JAK1: variants seen among roughly 807,000 people sequenced by gnomAD.
JAK1 encodes the protein Janus kinase 1.
A neutral mutation model predicts 136.6 loss-of-function variants in JAK1; 16 were observed. That is an observed-to-expected ratio of 0.12 (90% CI 0.08 to 0.18). The LOEUF is 0.18. Ranked by LOEUF, JAK1 falls within the 10% of genes least tolerant of loss-of-function variation. The pLI, the probability that JAK1 is intolerant of heterozygous loss-of-function variation, is 1.00. For synonymous variants in JAK1, 492 were observed against 519.5 expected (o/e 0.95, Z 0.72); for missense variants, 859 against 1,450.1 (o/e 0.59, Z 6.62).
At chr1:64,919,806 T>C (rs1348870872) in intron 1 of JAK1, among the ~76,000 whole-genome samples, 3 of 152,092 alleles carry the variant, frequency 2.0e-5, no homozygotes, top group Non-Finnish European at 4.4e-5. Flanking sequence ...TAATGAGTCT[T>C]TCAAGTAGCT....
At chr1:64,928,784 A>AG (rs1387438574) in intron 1 of JAK1, among the ~76,000 whole-genome samples, 1 of 121,924 alleles carries the variant, frequency 8.2e-6, no homozygotes, top group East Asian at 4.8e-4. Context: ...TCTGCAAAAA[A>AG]AAAAAAAAAA....
intron 2 of JAK1, among the ~76,000 whole-genome samples, chr1:65,026,380 T>G (rs1029744719): frequency 1.3e-5 from 2 of 152,078 alleles, no homozygotes; most frequent in African/African-American, 4.8e-5. Context: ...AAGACAGAGA[T>G]GATCATCACA....
intron 2 of JAK1, among the ~76,000 whole-genome samples, chr1:65,014,477 A>G (rs1055623765): frequency 2.0e-5 from 3 of 152,052 alleles, no homozygotes; most frequent in Non-Finnish European, 2.9e-5. Flanking sequence ...GAGAAAAAGA[A>G]AGAAAAATTC....
chr1:64,838,547 C>T lies in JAK1; in HGVS notation c.2885G>A (p.Gly962Glu). 3 of 1,613,990 alleles carry T rather than the reference C, an allele frequency of 1.9e-6. No individual in the cohort carries two copies. The highest frequency in any genetic ancestry group is 2.5e-6 in the Non-Finnish European group (3 of 1,179,922). The stretch of plus-strand genomic sequence containing the variant: ...CTTTGGAAGATATTCCTTAAGGCTT[C>T]CCGAAGGCAGAAATTCCATGATGAG... ...IKLIMEFLPSGSLKEYLPKNK... is the reference protein window; with the variant it reads ...IKLIMEFLPSESLKEYLPKNK... Residue 962 changes from glycine to glutamate, a missense_variant, in exon 21 of 25, where the codon GGA becomes GAA. Coordinates refer to ENST00000342505, the MANE Select transcript of JAK1 (RefSeq NM_002227.4).
intron 1 of JAK1, among the ~76,000 whole-genome samples, chr1:64,931,601 C>G (rs1377096361): frequency 6.6e-6 from 1 of 152,060 alleles, no homozygotes; most frequent in African/African-American, 2.4e-5. Context: ...TCCCTAGGAG[C>G]TCAGACCAGC....
At chr1:64,965,221 A>G (rs1646350752) in intron 1 of JAK1, among the ~76,000 whole-genome samples, 1 of 152,212 alleles carries the variant, frequency 6.6e-6, no homozygotes, top group South Asian at 2.1e-4. Context: ...AGTAATGACA[A>G]TTTTATACCA....
chr1:64,952,060 A>C (rs1460915096), intron 1 of JAK1, among the ~76,000 whole-genome samples: 1 of 152,206 alleles, frequency 6.6e-6, no homozygotes, highest in Admixed American at 6.5e-5. Context: ...TTCCAAGCCA[A>C]CACACAAAAG....
intron 1 of JAK1, among the ~76,000 whole-genome samples, chr1:64,961,934 C>T (rs927833370): frequency 6.6e-6 from 1 of 151,924 alleles, no homozygotes; most frequent in Non-Finnish European, 1.5e-5. Context: ...TTAATAGGTA[C>T]CAAAGAGATG....
chr1:64,863,166 G>A (rs1282952415), intron 8 of JAK1, among the ~76,000 whole-genome samples: 1 of 151,636 alleles, frequency 6.6e-6, no homozygotes, highest in African/African-American at 2.4e-5. Flanking sequence ...TAATATCCAG[G>A]ATGCAGCATA....
At chr1:64,924,505 C>T (rs1302502766) in intron 1 of JAK1, among the ~76,000 whole-genome samples, 1 of 152,138 alleles carries the variant, frequency 6.6e-6, no homozygotes, top group African/African-American at 2.4e-5. Context: ...AAGAGACAAA[C>T]AACAAGGGTC....
chr1:64,942,814 T>C lies in JAK1; in HGVS notation c.-78+23519A>G, dbSNP rs1457719062. ...GGAAGTAGAACGAGGGAAGAACCTC[T>C]CATATTACAGGGCACACTCTCAGTT... is the stretch of plus-strand genomic sequence containing the variant. On this transcript the variant is annotated intron_variant, in intron 1 of 24. Coordinates refer to ENST00000342505, the MANE Select transcript of JAK1 (RefSeq NM_002227.4). 2.6e-5 allele frequency among the ~76,000 whole-genome samples: 4 copies of C among 152,176 alleles called. No individual in the cohort carries two copies. In the East Asian group the frequency reaches 7.7e-4, roughly 29 times the overall value.
intron 7 of JAK1, among the ~76,000 whole-genome samples, chr1:64,865,271 T>C (rs534331482): frequency 4.6e-5 from 7 of 152,324 alleles, no homozygotes; most frequent in African/African-American, 1.7e-4. Flanking sequence ...TCACTAGACA[T>C]GCATCTACAT....
chr1:65,057,774 CTTAT>C (rs1238973791), intron 1 of JAK1: 3 of 154,866 alleles, frequency 1.9e-5, no homozygotes, highest in Non-Finnish European at 4.4e-5. Flanking sequence ...CAGACTAGTC[CTTAT>C]TTGATAGAAA....
At chr1:64,956,606 A>G (rs1646192546) in intron 1 of JAK1, among the ~76,000 whole-genome samples, 1 of 152,238 alleles carries the variant, frequency 6.6e-6, no homozygotes. Context: ...TATCTTGTTT[A>G]TCAATGTGTT....
chr1:64,953,093 C>G (rs1245781297), intron 1 of JAK1, among the ~76,000 whole-genome samples: 1 of 152,142 alleles, frequency 6.6e-6, no homozygotes, highest in African/African-American at 2.4e-5. Context: ...AGGAGGTTTC[C>G]TAAATCAGAG....
At chr1:65,022,072 G>A (rs922087029) in intron 2 of JAK1, among the ~76,000 whole-genome samples, 1 of 152,194 alleles carries the variant, frequency 6.6e-6, no homozygotes, top group Admixed American at 6.5e-5. Flanking sequence ...TTAAGGCACA[G>A]TAGAGAATAA....
intron 1 of JAK1, among the ~76,000 whole-genome samples, chr1:65,047,884 G>A (rs148596119): frequency 6.6e-6 from 1 of 152,132 alleles, no homozygotes; most frequent in Non-Finnish European, 1.5e-5. Flanking sequence ...AGGGGGATGT[G>A]GCTTCTGTGA....
intron 1 of JAK1, among the ~76,000 whole-genome samples, chr1:64,945,220 G>A (rs924145479): frequency 6.6e-6 from 1 of 152,092 alleles, no homozygotes; most frequent in Non-Finnish European, 1.5e-5. Context: ...AGCAAGGGGT[G>A]AGAGGTGTCT....
chr1:64,868,609 AAG>A (rs1453243904), intron 6 of JAK1, among the ~76,000 whole-genome samples: 1 of 152,206 alleles, frequency 6.6e-6, no homozygotes, highest in Non-Finnish European at 1.5e-5. Context: ...GACTCTGGTC[AAG>A]CGCAAGGAGA....
Sources: allele counts gnomAD v4.1 joint callset (sites outside exome capture counted in the v4.1 genomes callset), GRCh38; gene constraint gnomAD v4.1.1; transcripts MANE v1.5; gene names NCBI Gene and HGNC (gene_info 2026-07-23, HGNC 2026-07-21).